Variants in PARD3 observed in about 807,000 individuals in gnomAD.
PARD3 encodes partitioning defective 3 homolog.
PARD3 carries 75 observed loss-of-function variants against 155.4 expected under a neutral mutation model. The ratio of observed to expected loss-of-function variants is 0.48; its 90% CI spans 0.40 to 0.58. PARD3 has a LOEUF of 0.58. Among genes scored for constraint, PARD3 ranks in the 20% least tolerant of loss-of-function variants. The probability of loss-of-function intolerance (pLI) is 0.00; values close to 1 mark genes in which losing one functional copy is unlikely to be tolerated. For synonymous variants in PARD3, 576 were observed against 610.5 expected (o/e 0.94, Z 0.83); for missense variants, 1,642 against 1,721.7 (o/e 0.95, Z 0.82).
At chr10:34,496,108 GGGAGGATGCTTGAGCCCA>G (rs1317954937) in intron 3 of PARD3, among the ~76,000 whole-genome samples, 1 of 151,920 alleles carries the variant, frequency 6.6e-6, no homozygotes, top group Non-Finnish European at 1.5e-5. Context: ...AGGTTAAGAT[GGGAGGATGCTTGAGCCCA>G]GGAGGTCTTG....
chr10:34,231,404 A>G (rs1184477582), intron 22 of PARD3, among the ~76,000 whole-genome samples: 1 of 151,992 alleles, frequency 6.6e-6, no homozygotes, highest in African/African-American at 2.4e-5. Context: ...ATTTCAATCA[A>G]TTTTAGAATG....
In PARD3 at chr10:34,734,397, G is replaced by A. The variant is rs1435857517; in HGVS notation, c.121-37978C>T. 2.3e-5 allele frequency among the ~76,000 whole-genome samples: 3 copies of A among 128,814 alleles called. No homozygotes were observed. The East Asian group carries it at 7.5e-4, about 32-fold the overall frequency. 84.5% of individuals were successfully genotyped at this position (128,814 alleles called of 152,430 possible). ...GTCGCCCAGGCTGGAGTGCAGTGGC[G>A]CGATCTCAGCTCACTGCAAGCTCCG... is the stretch of plus-strand genomic sequence containing the variant. On this transcript the variant is annotated intron_variant, in intron 1 of 24. Transcript: ENST00000374788.
chr10:34,213,118 T>G (rs747932403), intron 22 of PARD3, among the ~76,000 whole-genome samples: 44 of 152,346 alleles, frequency 2.9e-4, no homozygotes, highest in Non-Finnish European at 4.4e-4. Context: ...AGAGTTTTAC[T>G]TGGCCCACAA....
intron 1 of PARD3, among the ~76,000 whole-genome samples, chr10:34,749,999 G>T (rs1835782712): frequency 6.6e-6 from 1 of 150,906 alleles, no homozygotes; most frequent in Non-Finnish European, 1.5e-5. Context: ...TCCAGCCTAG[G>T]CGACAGAACG....
chr10:34,163,357 T>C (rs115504917), intron 22 of PARD3, among the ~76,000 whole-genome samples: 158 of 152,302 alleles, frequency 1.0e-3, no homozygotes, highest in African/African-American at 3.8e-3. Flanking sequence ...TGAGGTGGCA[T>C]ATATGCTGGT....
intron 2 of PARD3, among the ~76,000 whole-genome samples, chr10:34,632,919 G>C (rs898888084): frequency 1.3e-5 from 2 of 152,226 alleles, no homozygotes. Context: ...GTGGCTCGGG[G>C]AGGAACCGAG....
rs1366242700 is a variant in PARD3 at position 34,355,943 on chromosome 10, AAAACAAAACAAAACCAAAC to A, written c.2067+3185_2067+3203del. On this transcript the variant is annotated intron_variant, in intron 14 of 24. Coordinates refer to ENST00000374788, the MANE Select transcript of PARD3 (RefSeq NM_001184785.2). ...CCGTCTCAAAAAAAAAAAAAAAAAA[AAAACAAAACAAAACCAAAC>A]AAAAAAACAGACAACAGACCCAGAG... Among the ~76,000 whole-genome samples the A allele has an allele frequency of 3.1e-4, 37 of 118,186 alleles. 3 individuals are homozygous for A. The highest frequency in any genetic ancestry group is 1.2e-3 in the African/African-American group (33 of 26,914). 77.5% of individuals were successfully genotyped at this position (118,186 alleles called of 152,430 possible). A position where few individuals can be genotyped will look rare whatever the true frequency, so the allele number is the denominator to read the frequency against.
intron 4 of PARD3, among the ~76,000 whole-genome samples, chr10:34,460,757 T>C (rs1319804450): frequency 4.6e-5 from 7 of 151,820 alleles, no homozygotes; most frequent in African/African-American, 9.7e-5. Context: ...GGCATGAACC[T>C]GGGAGGCAGA....
At chr10:34,376,022 A>G (rs1841196968) in intron 10 of PARD3, among the ~76,000 whole-genome samples, 1 of 152,172 alleles carries the variant, frequency 6.6e-6, no homozygotes, top group Non-Finnish European at 1.5e-5. Context: ...AGGAAGCAGA[A>G]CCCTAAACAT....
At chr10:34,795,699 A>G (rs1842174506) in intron 1 of PARD3, among the ~76,000 whole-genome samples, 1 of 152,170 alleles carries the variant, frequency 6.6e-6, no homozygotes, top group Admixed American at 6.5e-5. Flanking sequence ...GTTCAAGACC[A>G]GCCTGACCAA....
At chr10:34,586,451 G>A (rs1035076866) in intron 2 of PARD3, among the ~76,000 whole-genome samples, 4 of 152,056 alleles carry the variant, frequency 2.6e-5, no homozygotes, top group Non-Finnish European at 4.4e-5. Context: ...ATGGAGATAG[G>A]TCTAAAGATG....
chr10:34,538,252 A>C (rs1342094750), intron 2 of PARD3, among the ~76,000 whole-genome samples: 1 of 152,224 alleles, frequency 6.6e-6, no homozygotes, highest in East Asian at 1.9e-4. Context: ...CTAGCATCAA[A>C]TATTCCATGT....
intron 9 of PARD3, 146 bp downstream of exon 9, chr10:34,382,394 T>C: frequency 2.7e-6 from 2 of 736,040 alleles, no homozygotes; most frequent in South Asian, 3.9e-5. Flanking sequence ...CTTTAAAAAA[T>C]CTATCAGTTC....
At chr10:34,286,131 A>G (rs1956377748) in intron 20 of PARD3, among the ~76,000 whole-genome samples, 1 of 152,242 alleles carries the variant, frequency 6.6e-6, no homozygotes, top group African/African-American at 2.4e-5. Flanking sequence ...AGAATTACAC[A>G]TAATGATGGG....
intron 5 of PARD3, among the ~76,000 whole-genome samples, chr10:34,403,298 G>A (rs1428127127): frequency 1.3e-5 from 2 of 151,986 alleles, no homozygotes; most frequent in African/African-American, 4.8e-5. Context: ...TAATTCATAG[G>A]TGCACACATT....
intron 5 of PARD3, among the ~76,000 whole-genome samples, chr10:34,418,949 T>C (rs1845932272): frequency 6.6e-6 from 1 of 152,070 alleles, no homozygotes; most frequent in Admixed American, 6.5e-5. Context: ...TTTTGTATTT[T>C]CTGCAGGGAA....
At chr10:34,562,061 AG>A (rs897674333) in intron 2 of PARD3, among the ~76,000 whole-genome samples, 1 of 115,510 alleles carries the variant, frequency 8.7e-6, no homozygotes, top group Non-Finnish European at 1.6e-5. Flanking sequence ...TGAACCTGGG[AG>A]GGGGGGTGAA....
In PARD3 at chr10:34,437,794, T is replaced by C. The variant is rs550364715; in HGVS notation, c.714+12523A>G. Among the ~76,000 whole-genome samples, 58 of 152,312 alleles carry C rather than the reference T, an allele frequency of 3.8e-4. No individual in the cohort carries two copies. The South Asian group carries it at 0.012, about 32-fold the overall frequency. ...TAAATTATTCAATATAATCAAATGG[T>C]TTGTTCAAATATTGTTTTTCCAATT... On this transcript the variant is annotated intron_variant, in intron 5 of 24. Coordinates refer to ENST00000374788, the MANE Select transcript of PARD3 (RefSeq NM_001184785.2).
chr10:34,279,133 ATTT>A, intron 21 of PARD3, among the ~76,000 whole-genome samples: 1 of 104,358 alleles, frequency 9.6e-6, no homozygotes, highest in Non-Finnish European at 1.9e-5. Context: ...ATTCATCTAT[ATTT>A]TTTCCTTTTT....
Sources: allele counts gnomAD v4.1 joint callset (sites outside exome capture counted in the v4.1 genomes callset), GRCh38; gene constraint gnomAD v4.1.1; transcripts MANE v1.5; gene names NCBI Gene and HGNC (gene_info 2026-07-23, HGNC 2026-07-21).